DENND4A: variants seen among roughly 807,000 people sequenced by gnomAD.
DENND4A encodes DENN domain containing 4A.
DENND4A carries 70 observed loss-of-function variants against 199.3 expected under a neutral mutation model. The ratio of observed to expected loss-of-function variants is 0.35; its 90% CI spans 0.29 to 0.43. DENND4A has a LOEUF of 0.43. DENND4A is among the 20% of genes least tolerant of loss of function. The probability of loss-of-function intolerance (pLI) is 1.00; values close to 1 mark genes in which losing one functional copy is unlikely to be tolerated. For synonymous variants in DENND4A, 686 were observed against 766.9 expected, an observed-to-expected ratio of 0.89 and a Z score of 1.74; for missense variants, 1,723 against 2,255.8, an observed-to-expected ratio of 0.76 and a Z score of 4.78.
At chr15:65,783,000 A>G (rs938318108) in intron 1 of DENND4A, among the ~76,000 whole-genome samples, 1 of 150,126 alleles carries the variant, frequency 6.7e-6, no homozygotes, top group African/African-American at 2.4e-5. Context: ...AGTCAGGAGG[A>G]AAAAAAAACA....
intron 4 of DENND4A, among the ~76,000 whole-genome samples, chr15:65,746,367 C>CTTTTTT (rs2076391530): frequency 1.4e-5 from 1 of 71,042 alleles, no homozygotes; most frequent in Admixed American, 1.4e-4. Flanking sequence ...CTACTTTTTT[C>CTTTTTT]TCTTTTTTTT....
intron 14 of DENND4A, among the ~76,000 whole-genome samples, chr15:65,712,006 C>T (rs2075266246): frequency 6.6e-6 from 1 of 152,162 alleles, no homozygotes. Context: ...ACACTGCTAC[C>T]ATTTGAAGTA....
intron 11 of DENND4A, among the ~76,000 whole-genome samples, chr15:65,727,659 T>C: frequency 6.6e-6 from 1 of 152,072 alleles, no homozygotes; most frequent in Non-Finnish European, 1.5e-5. Flanking sequence ...CACATTTACA[T>C]ATTTAAGTGT....
chr15:65,680,782 T>A (rs2076545557), intron 23 of DENND4A: 1 of 152,208 alleles, frequency 6.6e-6, no homozygotes, highest in African/African-American at 2.4e-5. Flanking sequence ...TCCCAGTGCA[T>A]ATAAAAGTTG....
At chr15:65,725,676 C>CAAACCA (rs2075783301) in intron 11 of DENND4A, among the ~76,000 whole-genome samples, 1 of 95,418 alleles carries the variant, frequency 1.0e-5, no homozygotes, top group Admixed American at 9.5e-5. Context: ...GACTCTGTCT[C>CAAACCA]AAAAAATAAA....
At chr15:65,751,091 T>C (rs941830883) in intron 4 of DENND4A, among the ~76,000 whole-genome samples, 2 of 152,182 alleles carry the variant, frequency 1.3e-5, no homozygotes, top group African/African-American at 4.8e-5. Context: ...ATTTATCACC[T>C]AGCTCTTTAA....
chr15:65,677,789 A>G (rs2076432181), intron 23 of DENND4A, among the ~76,000 whole-genome samples: 1 of 152,262 alleles, frequency 6.6e-6, no homozygotes, highest in South Asian at 2.1e-4. Flanking sequence ...TTCTATGTAC[A>G]TATACAGTTT....
intron 1 of DENND4A, among the ~76,000 whole-genome samples, chr15:65,790,392 G>T (rs990038907): frequency 1.3e-5 from 2 of 152,110 alleles, no homozygotes; most frequent in Non-Finnish European, 2.9e-5. Flanking sequence ...TTCCCAATTT[G>T]CGACTGGTAT....
rs563679784 is a variant in DENND4A at position 65,766,222 on chromosome 15, G to A, written c.-101-4784C>T. 3.4e-4 allele frequency among the ~76,000 whole-genome samples: 50 copies of A among 145,694 alleles called. No individual in the cohort carries two copies. The South Asian group carries it at 0.01, about 30-fold the overall frequency. ...GCTGAGATCAGGCCACCGCACTCCA[G>A]CCTGGGCAACGGAGTGAGACTCCAC... On this transcript the variant is annotated intron_variant, in intron 1 of 32. Transcript: ENST00000443035.
intron 32 of DENND4A, among the ~76,000 whole-genome samples, chr15:65,662,897 C>T (rs2075899532): frequency 6.6e-6 from 1 of 152,116 alleles, no homozygotes; most frequent in African/African-American, 2.4e-5. Context: ...ATTTTTTAGA[C>T]ATTCAAGGAA....
chr15:65,692,139 GAAAA>G (rs889876501), intron 22 of DENND4A, among the ~76,000 whole-genome samples: 1 of 151,066 alleles, frequency 6.6e-6, no homozygotes, highest in African/African-American at 2.4e-5. Context: ...AATGAAAAAA[GAAAA>G]AACATCCAAA....
intron 23 of DENND4A, among the ~76,000 whole-genome samples, chr15:65,677,685 CT>C (rs1264914749): frequency 6.6e-6 from 1 of 152,078 alleles, no homozygotes; most frequent in Non-Finnish European, 1.5e-5. Flanking sequence ...GGGCAGGAAT[CT>C]TTTCCTCAAG....
intron 20 of DENND4A, 38 bp downstream of exon 20, chr15:65,700,506 A>G: frequency 2.1e-5 from 27 of 1,263,904 alleles, no homozygotes; most frequent in Non-Finnish European, 2.6e-5. Context: ...AGTTTTAAAA[A>G]TGTACTATAA....
At chr15:65,746,006 T>C (rs1206083936) in intron 4 of DENND4A, among the ~76,000 whole-genome samples, 1 of 151,024 alleles carries the variant, frequency 6.6e-6, no homozygotes, top group Non-Finnish European at 1.5e-5. Context: ...CAGGATGTGG[T>C]GGCGGGCACC....
intron 13 of DENND4A, among the ~76,000 whole-genome samples, chr15:65,716,624 T>C (rs1215718834): frequency 6.6e-6 from 1 of 152,106 alleles, no homozygotes; most frequent in Admixed American, 6.5e-5. Context: ...ACGTGCCACA[T>C]TTTCTTAATC....
At chr15:65,732,386 CTCTTA>C (rs1455072235) in intron 8 of DENND4A, among the ~76,000 whole-genome samples, 1 of 151,950 alleles carries the variant, frequency 6.6e-6, no homozygotes, top group African/African-American at 2.4e-5. Context: ...AATGTAATTA[CTCTTA>C]TCTATGTTTT....
intron 22 of DENND4A, among the ~76,000 whole-genome samples, chr15:65,693,085 C>A (rs2077027140): frequency 6.6e-6 from 1 of 152,122 alleles, no homozygotes; most frequent in South Asian, 2.1e-4. Flanking sequence ...AAAAAGTTTG[C>A]CTGATCCTAA....
intron 24 of DENND4A, among the ~76,000 whole-genome samples, chr15:65,674,855 G>T (rs913846000): frequency 2.6e-5 from 4 of 152,122 alleles, no homozygotes; most frequent in African/African-American, 9.7e-5. Context: ...CATTGTCTGA[G>T]ATTTGCTTGA....
chr15:65,715,565 T>A lies in DENND4A; in HGVS notation c.1866A>T (p.Thr622=), dbSNP rs930585181. The part of the protein sequence containing the change: ...HQKFYNMMTK[T]QMFIRFIEEC... ...CTTCAATGAAGCGAATAAACATTTG[T>A]GTTTTGGTCATCATGTTATAGAATT... Residue 622 remains threonine, a synonymous_variant, in exon 14 of 33, where the codon ACA becomes ACT. Coordinates refer to ENST00000443035, the MANE Select transcript of DENND4A (RefSeq NM_001320835.1). 20 of 1,604,226 alleles carry A rather than the reference T, an allele frequency of 1.2e-5. No homozygotes were observed. Among genetic ancestry groups the A allele is most frequent in the Non-Finnish European group, 1.7e-5 (20 of 1,175,730 alleles).
Sources: allele counts gnomAD v4.1 joint callset (sites outside exome capture counted in the v4.1 genomes callset), GRCh38; gene constraint gnomAD v4.1.1; transcripts MANE v1.5; gene names NCBI Gene and HGNC (gene_info 2026-07-23, HGNC 2026-07-21).